The following RUSF1 variants were observed in gnomAD, a reference collection of about 807,000 sequenced individuals.
The protein encoded by RUSF1 is RUS family member 1, also known as RUS1 family protein C16orf58.
RUSF1 carries 58 observed loss-of-function variants against 63.0 expected under a neutral mutation model. The ratio of observed to expected loss-of-function variants is 0.92; its 90% CI spans 0.75 to 1.15. The LOEUF (loss-of-function observed/expected upper bound fraction) is 1.15. RUSF1 is among the 50% of genes most tolerant of loss of function. RUSF1 has a pLI of 0.00. For missense variants in RUSF1, 652 were observed against 611.0 expected, an observed-to-expected ratio of 1.07 and a Z score of -0.71; for synonymous variants, 274 against 255.8, an observed-to-expected ratio of 1.07 and a Z score of -0.68.
At chr16:31,505,069 T>C (rs1274521195) in intron 2 of RUSF1, among the ~76,000 whole-genome samples, 5 of 152,102 alleles carry the variant, frequency 3.3e-5, no homozygotes, top group African/African-American at 1.2e-4. Context: ...AGATGTGGCC[T>C]CGTGGGAAGG....
Position 31,493,539 on chromosome 16 carries a change from G to C in RUSF1, c.959-15C>G, listed in dbSNP as rs761061394. 1.9e-6 allele frequency: 3 copies of C among 1,614,064 alleles called. No individual in the cohort carries two copies. Among genetic ancestry groups the C allele is most frequent in the Non-Finnish European group, 2.5e-6 (3 of 1,179,998 alleles). On this transcript the variant is annotated splice_polypyrimidine_tract_variant and intron_variant, in intron 8 of 12. Coordinates refer to ENST00000327237, the MANE Select transcript of RUSF1 (RefSeq NM_022744.4). ...TGGCCAGAAACCTGTGGGAAGCTGG[G>C]GTCAGGATGCCTAGGCAGTGGGAGA...
At position 31,492,295 on chromosome 16, in the gene RUSF1, A is replaced by G. The variant is rs150898487; in HGVS notation, c.1133T>C (p.Ile378Thr). 1.9e-6 allele frequency: 3 copies of G among 1,611,088 alleles called. No individual in the cohort carries two copies. The highest frequency in any genetic ancestry group is 2.5e-6 in the Non-Finnish European group (3 of 1,178,586). Residue 378 changes from isoleucine (I) to threonine (T), a missense_variant, in exon 11 of 13, where the codon ATC (isoleucine) becomes ACC (threonine). Transcript: ENST00000327237. ...VLNQKAGPKTILRAATHGLML... is the reference protein window; with the variant it reads ...VLNQKAGPKTTLRAATHGLML... ...CAGCCCATGTGTGGCGGCCCTTAGG[A>G]TGGTCTTGGGGCCTGCCTTCTGGTT...
At chr16:31,507,967 G>C (rs1285022721) in intron 1 of RUSF1, 89 bp from the exon 2 acceptor site, 51 of 1,531,122 alleles carry the variant, frequency 3.3e-5, no homozygotes, top group Non-Finnish European at 4.5e-5. Flanking sequence ...GGTGTATGAG[G>C]CATGTCAGAC....
At chr16:31,499,252 A>G (rs375692588) in intron 5 of RUSF1, 50 bp downstream of exon 5, 41 of 1,503,878 alleles carry the variant, frequency 2.7e-5, no homozygotes, top group Non-Finnish European at 3.4e-5. Context: ...AAACTCACAC[A>G]CTACCAAGGC....
chr16:31,508,309 C>A lies in RUSF1; in HGVS notation c.65G>T (p.Arg22Leu). 1.3e-6 allele frequency: 2 copies of A among 1,577,206 alleles called. No homozygotes were observed. The highest frequency in any genetic ancestry group is 1.7e-6 in the Non-Finnish European group (2 of 1,165,110). The change falls in exon 1 of 13, where the codon CGG becomes CTG. Residue 22 changes from arginine (R) to leucine (L), a missense_variant. Transcript: ENST00000327237. ...CSEQFGSGEA[R>L]GCRAAADGSL... ...CCCGTCCGCGGCGGCGCGGCAGCCCCGTGCCTCCCCGGAGCCGAACTGCTC... is the reference window on the plus strand; with the variant it reads ...CCCGTCCGCGGCGGCGCGGCAGCCCAGTGCCTCCCCGGAGCCGAACTGCTC...
chr16:31,492,961 G>GA lies in RUSF1; in HGVS notation c.1087+16dup. 6.2e-7 allele frequency: 1 copy of GA among 1,600,976 alleles called. No individual in the cohort carries two copies. Among genetic ancestry groups the GA allele is most frequent in the Non-Finnish European group, 8.5e-7 (1 of 1,171,212 alleles). On this transcript the variant is annotated intron_variant, in intron 10 of 12. Coordinates refer to ENST00000327237, the MANE Select transcript of RUSF1 (RefSeq NM_022744.4). ...TGGGAGGGTGCGTCTTAGGCTGGGA[G>GA]AATGAGGCACACTCACTTTGTGACT... is the stretch of plus-strand genomic sequence containing the variant.
intron 2 of RUSF1, among the ~76,000 whole-genome samples, chr16:31,506,116 G>A (rs986142892): frequency 6.6e-6 from 1 of 152,220 alleles, no homozygotes; most frequent in Non-Finnish European, 1.5e-5. Context: ...AGTCAGGAAC[G>A]ATGGGGACGC....
In RUSF1 at chr16:31,507,812, T is replaced by TC; in HGVS notation, c.366dup (p.Asn123GlufsTer51). ...GCAGCTGAAACAGTGGCTTTTGCGT[T>TC]CCCCACCCCTATGCCCAGCAAGACT... On this transcript the variant is annotated frameshift_variant, in exon 2 of 13. Coordinates refer to ENST00000327237, the MANE Select transcript of RUSF1 (RefSeq NM_022744.4). LOFTEE classifies it high-confidence loss of function. 6.3e-7 allele frequency: 1 copy of TC among 1,579,446 alleles called. No individual in the cohort carries two copies. Among genetic ancestry groups the TC allele is most frequent in the Non-Finnish European group, 8.6e-7 (1 of 1,162,280 alleles).
chr16:31,490,826 C>A lies in RUSF1; in HGVS notation c.*9G>T. 6.2e-7 allele frequency: 1 copy of A among 1,614,128 alleles called. No homozygotes were observed. The highest frequency in any genetic ancestry group is 1.1e-5 in the South Asian group (1 of 91,086). Reference sequence around the variant, plus strand: ...TCCTGCCCTGGGCTTGGGCCTCCGTCTGGGCTGCTCACAAGACCTTCTTTT... The same window carrying A: ...TCCTGCCCTGGGCTTGGGCCTCCGTATGGGCTGCTCACAAGACCTTCTTTT... On this transcript the variant is annotated 3_prime_UTR_variant, in exon 13 of 13. Coordinates refer to ENST00000327237, the MANE Select transcript of RUSF1 (RefSeq NM_022744.4).
In RUSF1 at chr16:31,492,311, C is replaced by T; in HGVS notation, c.1117G>A (p.Ala373Thr). 2 of 1,594,702 alleles carry T rather than the reference C, an allele frequency of 1.3e-6. No individual in the cohort carries two copies. ...GCCCTTAGGATGGTCTTGGGGCCTG[C>T]CTTCTGGTTCAGAACTACCTGTACC... ...NQVQVVLNQKAGPKTILRAAT... is the reference protein window; with the variant it reads ...NQVQVVLNQKTGPKTILRAAT... The change falls in exon 11 of 13, where the codon GCA becomes ACA. Residue 373 changes from alanine to threonine, a missense_variant. Transcript: ENST00000327237.
At chr16:31,506,219 T>C (rs2082657927) in intron 2 of RUSF1, among the ~76,000 whole-genome samples, 1 of 152,210 alleles carries the variant, frequency 6.6e-6, no homozygotes, top group Admixed American at 6.5e-5. Context: ...TGCACACCAT[T>C]GAAAATACTG....
chr16:31,504,182 G>T (rs553955348), intron 2 of RUSF1, among the ~76,000 whole-genome samples: 8 of 152,142 alleles, frequency 5.3e-5, no homozygotes, highest in African/African-American at 1.9e-4. Context: ...TTATAGGCGT[G>T]AGCCACGGCA....
chr16:31,493,310 T>A, intron 9 of RUSF1, 157 bp downstream of exon 9: 1 of 1,042,216 alleles, frequency 9.6e-7, no homozygotes, highest in Non-Finnish European at 1.5e-6. Context: ...ATACACCCTT[T>A]CCTTCCTCAC....
At position 31,493,368 on chromosome 16, in the gene RUSF1, G is replaced by A. The variant is rs958321014; in HGVS notation, c.1016+99C>T. 9 of 1,434,240 alleles carry A rather than the reference G, an allele frequency of 6.3e-6. No homozygotes were observed. In the African/African-American group the frequency reaches 1.1e-4, roughly 18 times the overall value. 88.8% of individuals were successfully genotyped at this position (1,434,240 alleles called of 1,614,324 possible). ...TGTTCAGCAGCAATGAAGAACCCAG[G>A]ACAGAGAGGTGGGGCCTTGCCAGGG... On this transcript the variant is annotated intron_variant, in intron 9 of 12. Transcript: ENST00000327237.
chr16:31,491,135 C>T (rs1171718863), intron 12 of RUSF1, among the ~76,000 whole-genome samples: 1 of 152,140 alleles, frequency 6.6e-6, no homozygotes, highest in Non-Finnish European at 1.5e-5. Context: ...ATGGAACAGG[C>T]GCCAGACAAA....
intron 9 of RUSF1, 110 bp downstream of exon 9, chr16:31,493,357 G>A (rs2082583946): frequency 7.2e-7 from 1 of 1,383,574 alleles, no homozygotes; most frequent in Admixed American, 2.0e-5. Flanking sequence ...CAGCAGCAAT[G>A]AAGAACCCAG....
Position 31,493,788 on chromosome 16 carries a change from C to T in RUSF1, c.774-1G>A, listed in dbSNP as rs760696417. The T allele has an allele frequency of 8.8e-5, 142 of 1,614,078 alleles. No individual in the cohort carries two copies. The highest frequency in any genetic ancestry group is 1.1e-4 in the Non-Finnish European group (134 of 1,180,018). On this transcript the variant is annotated splice_acceptor_variant, in intron 7 of 12. Transcript: ENST00000327237. LOFTEE classifies it high-confidence loss of function. ...GAAGAAGAAACATCCAAGGCTGAAG[C>T]TGGGGTGAGAGAGTGAGGTAGCTGA...
In RUSF1 at chr16:31,499,402, A is replaced by G; in HGVS notation, c.500T>C (p.Phe167Ser). ...LDCNAKQWRL[F>S]ADILNDVAMF... ...GGCTACGTCATTGAGGATGTCCGCAAAAAGCCTGGGGAGGGATCAGAGGTT... is the reference window on the plus strand; with the variant it reads ...GGCTACGTCATTGAGGATGTCCGCAGAAAGCCTGGGGAGGGATCAGAGGTT... Residue 167 changes from phenylalanine to serine, a missense_variant, in exon 5 of 13, where the codon TTT becomes TCT. Transcript: ENST00000327237. 6.2e-7 allele frequency: 1 copy of G among 1,614,048 alleles called. No individual in the cohort carries two copies. Among genetic ancestry groups the G allele is most frequent in the Non-Finnish European group, 8.5e-7 (1 of 1,179,968 alleles).
rs377553064 is a variant in RUSF1, at chr16:31,495,425, T to A, written c.702+1424A>T. Among the ~76,000 whole-genome samples, 11 of 152,254 alleles carry A rather than the reference T, an allele frequency of 7.2e-5. No homozygotes were observed. In the East Asian group the frequency reaches 1.7e-3, roughly 24 times the overall value. On this transcript the variant is annotated intron_variant, in intron 6 of 12. Transcript: ENST00000327237. The stretch of plus-strand genomic sequence containing the variant: ...GGAAGAGTCATTTCCAGTGGCCACA[T>A]CCAGTGACAGCAAAGCTGCACTGGC...
Sources: allele counts gnomAD v4.1 joint callset (sites outside exome capture counted in the v4.1 genomes callset), GRCh38; gene constraint gnomAD v4.1.1; transcripts MANE v1.5; gene names NCBI Gene and HGNC (gene_info 2026-07-23, HGNC 2026-07-21).